The following IBTK variants were observed in gnomAD, a reference collection of about 807,000 sequenced individuals.
IBTK encodes inhibitor of Bruton tyrosine kinase, also known as BTK-binding protein.
Under a neutral mutation model 154.9 loss-of-function variants are expected in IBTK, and 83 were observed. That is an observed-to-expected ratio of 0.54 (90% confidence interval 0.45 to 0.64). IBTK has a LOEUF of 0.64. IBTK is among the 30% of genes least tolerant of loss of function. IBTK has a pLI of 0.00. For synonymous variants in IBTK, 515 were observed against 536.1 expected (o/e 0.96, Z 0.54); for missense variants, 1,332 against 1,584.6 (o/e 0.84, Z 2.71).
chr6:82,220,444 TA>T, intron 9 of IBTK, 145 bp downstream of exon 9: 2 of 732,376 alleles, frequency 2.7e-6, no homozygotes, highest in East Asian at 2.9e-5. Flanking sequence ...AATGGATGTC[TA>T]AAACATACTT....
intron 8 of IBTK, among the ~76,000 whole-genome samples, chr6:82,220,937 T>C (rs867469128): frequency 3.8e-5 from 5 of 130,090 alleles, no homozygotes; most frequent in Admixed American, 8.0e-5. Flanking sequence ...TGACTTTACC[T>C]ACACACACAC....
chr6:82,212,405 T>C (rs1353311530), intron 13 of IBTK, among the ~76,000 whole-genome samples: 1 of 152,146 alleles, frequency 6.6e-6, no homozygotes, highest in African/African-American at 2.4e-5. Context: ...GTTTGGGGGC[T>C]AATAACATTT....
At position 82,240,596 on chromosome 6, in the gene IBTK, T is replaced by TAAAAAGGTAA; in HGVS notation, c.-111_-110insTTACCTTTTT. 1 of 849,708 alleles carries TAAAAAGGTAA rather than the reference T, an allele frequency of 1.2e-6. No individual in the cohort carries two copies. The highest frequency in any genetic ancestry group is 1.7e-5 in the South Asian group (1 of 57,756). The allele number at this position is 849,708 out of a possible 1,614,324, so 52.6% of individuals were successfully genotyped here. On this transcript the variant is annotated 5_prime_UTR_variant, in exon 2 of 29. Coordinates refer to ENST00000306270, the MANE Select transcript of IBTK (RefSeq NM_015525.4). ...AGGAAGTTACAGAGAATAAATTACC[T>TAAAAAGGTAA]TTTTAGGATAATTTAAATCCTCCTG...
At chr6:82,195,363 T>C (rs1339232090) in intron 22 of IBTK, among the ~76,000 whole-genome samples, 1 of 151,834 alleles carries the variant, frequency 6.6e-6, no homozygotes, top group African/African-American at 2.4e-5. Context: ...ATTGCTTGAG[T>C]CCAGGAGTTC....
At position 82,211,430 on chromosome 6, in the gene IBTK, A is replaced by G. The variant is rs1039654650; in HGVS notation, c.2375-26T>C. On this transcript the variant is annotated intron_variant, in intron 14 of 28. Coordinates refer to ENST00000306270, the MANE Select transcript of IBTK (RefSeq NM_015525.4). ...CTAAAAGAAAAAAAAGTTCAATGCA[A>G]TAAGAATAGTGAAACAATACTACAG... 3.7e-6 allele frequency: 6 copies of G among 1,606,140 alleles called. No individual in the cohort carries two copies. In the East Asian group the frequency reaches 6.7e-5, roughly 18 times the overall value.
At chr6:82,224,841 A>C (rs1770235221) in intron 6 of IBTK, among the ~76,000 whole-genome samples, 1 of 152,218 alleles carries the variant, frequency 6.6e-6, no homozygotes, top group African/African-American at 2.4e-5. Context: ...GGGCCTAAAA[A>C]GTGTTTAAGT....
At chr6:82,225,979 A>C (rs1267856289) in intron 5 of IBTK, among the ~76,000 whole-genome samples, 2 of 152,182 alleles carry the variant, frequency 1.3e-5, no homozygotes, top group African/African-American at 2.4e-5. Context: ...TGAAAAAAAA[A>C]CAAAAATACA....
chr6:82,235,741 G>A (rs963566377), intron 2 of IBTK, among the ~76,000 whole-genome samples: 1 of 152,064 alleles, frequency 6.6e-6, no homozygotes, highest in Admixed American at 6.5e-5. Flanking sequence ...TTTATTCTGC[G>A]AGGTATCTGA....
intron 16 of IBTK, among the ~76,000 whole-genome samples, chr6:82,207,870 T>C (rs1000370225): frequency 2.6e-5 from 4 of 152,082 alleles, no homozygotes; most frequent in Non-Finnish European, 4.4e-5. Context: ...AAATAGGACA[T>C]ACAGATGTAA....
At chr6:82,227,830 T>C (rs1185723658) in intron 4 of IBTK, among the ~76,000 whole-genome samples, 1 of 151,884 alleles carries the variant, frequency 6.6e-6, no homozygotes, top group South Asian at 2.1e-4. Flanking sequence ...GTCTTTAATA[T>C]ACATTTATAA....
chr6:82,227,134 T>C, intron 5 of IBTK, 58 bp downstream of exon 5: 1 of 1,176,462 alleles, frequency 8.5e-7, no homozygotes, highest in Non-Finnish European at 1.2e-6. Flanking sequence ...AATTAAATCT[T>C]TCAGCTTATC....
At chr6:82,191,489 A>G (rs1009289530) in intron 24 of IBTK, 1 of 558,990 alleles carries the variant, frequency 1.8e-6, no homozygotes, top group African/African-American at 1.9e-5. Flanking sequence ...TTCAAAAAGA[A>G]CTTGCATCAC....
intron 16 of IBTK, 75 bp from the exon 17 acceptor site, chr6:82,205,033 T>G: frequency 1.4e-6 from 1 of 730,352 alleles, no homozygotes; most frequent in Non-Finnish European, 2.2e-6. Context: ...TTGAAGTAAT[T>G]AGTACACTAG....
intron 2 of IBTK, 47 bp from the exon 3 acceptor site, chr6:82,234,302 A>G (rs1052742066): frequency 4.4e-6 from 3 of 678,756 alleles, no homozygotes; most frequent in Admixed American, 3.5e-5. Flanking sequence ...TATATTATTA[A>G]TTACCTATAT....
chr6:82,194,699 C>A, intron 22 of IBTK, 57 bp from the exon 23 acceptor site: 1 of 1,168,036 alleles, frequency 8.6e-7, no homozygotes, highest in Non-Finnish European at 1.2e-6. Flanking sequence ...GTAACTAACA[C>A]ATAGCTGGTA....
intron 25 of IBTK, chr6:82,188,924 G>A (rs564755363): frequency 1.6e-4 from 55 of 333,412 alleles, no homozygotes; most frequent in African/African-American, 1.2e-3. Context: ...TAGCTATTCA[G>A]GAGGCTGAGA....
In IBTK at chr6:82,240,295, C is replaced by A. The variant is rs1163251149; in HGVS notation, c.192G>T (p.Lys64Asn). 2 of 1,614,136 alleles carry A rather than the reference C, an allele frequency of 1.2e-6. No homozygotes were observed. Residue 64 changes from lysine (K) to asparagine (N), a missense_variant, in exon 2 of 29, where the codon AAG becomes AAT. Around this residue, in one of 3 missense-constraint regions of IBTK, gnomAD observed 84 missense variants for 96.2 expected, o/e 0.87. Coordinates refer to ENST00000306270, the MANE Select transcript of IBTK (RefSeq NM_015525.4). ...GAATAAGCCAATCTAACACTCCTTT[C>A]TTTCCACAGGAGGAAACAAGGTGGA... ...NALHLVSSCG[K>N]KGVLDWLIQK...
At position 82,212,759 on chromosome 6, in the gene IBTK, T is replaced by C; in HGVS notation, c.2239A>G (p.Asn747Asp). 6.3e-7 allele frequency: 1 copy of C among 1,596,974 alleles called. No individual in the cohort carries two copies. The highest frequency in any genetic ancestry group is 8.6e-7 in the Non-Finnish European group (1 of 1,164,840). The change falls in exon 13 of 29, where the codon AAT becomes GAT. Residue 747 changes from asparagine to aspartate, a missense_variant. Physicochemically the swap from Asn to Asp is conservative, Grantham distance 23 (BLOSUM62 1). Around this residue, in one of 3 missense-constraint regions of IBTK, gnomAD observed 1,134 missense variants for 1,274.7 expected, o/e 0.89. Transcript: ENST00000306270. ...TTACCAGTGTTCTTGGCAATAACAT[T>C]AATTTTTTCATTTTCAAATCTGACT... ...DGVRFENEKI[N>D]VIAKNTGNKL... is the part of the protein sequence containing the mutation.
intron 2 of IBTK, among the ~76,000 whole-genome samples, chr6:82,238,238 C>T (rs145234959): frequency 0.015 from 2,213 of 150,068 alleles, 28 homozygotes; most frequent in Non-Finnish European, 0.024. Flanking sequence ...AGCAAGACTC[C>T]GTCGCAAAAA....
Sources: allele counts gnomAD v4.1 joint callset (sites outside exome capture counted in the v4.1 genomes callset), GRCh38; gene constraint gnomAD v4.1.1; regional missense constraint gnomAD v4.1.1; transcripts MANE v1.5; gene names NCBI Gene and HGNC (gene_info 2026-07-23, HGNC 2026-07-21).